The following DNAH5 variants were observed in gnomAD, a reference collection of about 807,000 sequenced individuals.
The protein encoded by DNAH5 is dynein axonemal heavy chain 5, also known as axonemal beta dynein heavy chain 5.
In DNAH5, 372 loss-of-function variants were observed where a neutral mutation model predicts 518.2. The ratio of observed to expected loss-of-function variants is 0.72; its 90% CI spans 0.66 to 0.78. DNAH5 has a LOEUF of 0.78. Ranked by LOEUF, DNAH5 falls within the 30% of genes least tolerant of loss-of-function variation. DNAH5 has a pLI of 0.00. For synonymous variants in DNAH5, 2,039 were observed against 2,025.9 expected (o/e 1.01, Z -0.17); for missense variants, 5,523 against 5,687.0 (o/e 0.97, Z 0.93).
At chr5:13,962,189 G>GT (rs1382959906) in intron 1 of DNAH5, among the ~76,000 whole-genome samples, 7 of 152,210 alleles carry the variant, frequency 4.6e-5, no homozygotes, top group Admixed American at 2.6e-4. Context: ...TTGTTATTAT[G>GT]TTTTTTGTGT....
At chr5:13,899,437 A>G (rs1226722867) in intron 15 of DNAH5, 3 of 152,318 alleles carry the variant, frequency 2.0e-5, no homozygotes, top group African/African-American at 7.2e-5. Flanking sequence ...TGATATTCTG[A>G]TAACTCTCAG....
At chr5:13,878,077 G>T (rs1580711906) in intron 21 of DNAH5, among the ~76,000 whole-genome samples, 1 of 152,042 alleles carries the variant, frequency 6.6e-6, no homozygotes, top group Admixed American at 6.6e-5. Flanking sequence ...AGGAAGAAGC[G>T]GCCATTTAAT....
intron 47 of DNAH5, among the ~76,000 whole-genome samples, chr5:13,794,904 T>C (rs759066066): frequency 2.0e-5 from 3 of 152,162 alleles, no homozygotes; most frequent in Non-Finnish European, 4.4e-5. Flanking sequence ...GAGGCAGAGC[T>C]TGCAGTGAGC....
intron 2 of DNAH5, among the ~76,000 whole-genome samples, chr5:13,930,443 G>A (rs1425844844): frequency 6.6e-6 from 1 of 152,146 alleles, no homozygotes; most frequent in Non-Finnish European, 1.5e-5. Flanking sequence ...CCAACGGTGT[G>A]GCACCCTGTC....
chr5:13,910,855 C>T lies in DNAH5; in HGVS notation c.1644+531G>A, dbSNP rs183377238. Among the ~76,000 whole-genome samples, 5 of 152,296 alleles carry T rather than the reference C, an allele frequency of 3.3e-5. No homozygotes were observed. In the East Asian group the frequency reaches 9.6e-4, roughly 29 times the overall value. On this transcript the variant is annotated intron_variant, in intron 12 of 78. Transcript: ENST00000265104. ...GAAGCTGCTAATGGCATAAACTGCT[C>T]ATGTGAGCTGCAAGGCAAGATGGCT...
At chr5:13,840,824 C>G (rs1765051870) in intron 34 of DNAH5, 82 bp downstream of exon 34, 1 of 1,146,412 alleles carries the variant, frequency 8.7e-7, no homozygotes, top group African/African-American at 1.6e-5. Flanking sequence ...TGAATTCAAT[C>G]AAACTAGTTC....
intron 42 of DNAH5, among the ~76,000 whole-genome samples, chr5:13,817,140 AC>A (rs1761551960): frequency 6.6e-6 from 1 of 152,222 alleles, no homozygotes; most frequent in South Asian, 2.1e-4. Flanking sequence ...CTCCCAAACA[AC>A]CCATTTTCTC....
Position 13,900,219 on chromosome 5 carries a change from A to C in DNAH5, c.2246T>G (p.Phe749Cys), listed in dbSNP as rs982485452. 6.2e-7 allele frequency: 1 copy of C among 1,613,726 alleles called. No individual in the cohort carries two copies. Among genetic ancestry groups the C allele is most frequent in the Non-Finnish European group, 8.5e-7 (1 of 1,179,706 alleles). ...FQKRDRYKRN[F>C]SNMKMMLAEY... Reference sequence around the variant, plus strand: ...AAAGTAGTATACCTTCATGTTACTGAAGTTCCTTTTGTATCTATCTCGTTT... The same window carrying C: ...AAAGTAGTATACCTTCATGTTACTGCAGTTCCTTTTGTATCTATCTCGTTT... The change falls in exon 15 of 79, where the codon TTC becomes TGC. Residue 749 changes from phenylalanine (F) to cysteine (C), a missense_variant. By Grantham distance (205) the Phe-to-Cys change is radical. Around this residue, in one of 3 missense-constraint regions of DNAH5, gnomAD observed 5,121 missense variants for 5,223.3 expected, o/e 0.98. Coordinates refer to ENST00000265104, the MANE Select transcript of DNAH5 (RefSeq NM_001369.3).
chr5:13,944,599 TA>T lies in DNAH5; in HGVS notation c.-162del. On this transcript the variant is annotated 5_prime_UTR_variant, in exon 1 of 79. Transcript: ENST00000265104. Reference sequence around the variant, plus strand: ...TGTATTATTCACTACATTCACAGAATAAAAATTAAAACTCCACTTATACCAC... The same window carrying T: ...TGTATTATTCACTACATTCACAGAATAAAATTAAAACTCCACTTATACCAC... 2 of 678,370 alleles carry T rather than the reference TA, an allele frequency of 2.9e-6. No individual in the cohort carries two copies. The highest frequency in any genetic ancestry group is 5.3e-6 in the Non-Finnish European group (2 of 380,920). 42.0% of individuals were successfully genotyped at this position (678,370 alleles called of 1,614,324 possible).
At chr5:13,987,975 C>T (rs1783180316) in intron 1 of DNAH5, among the ~76,000 whole-genome samples, 1 of 151,772 alleles carries the variant, frequency 6.6e-6, no homozygotes, top group African/African-American at 2.4e-5. Context: ...CACATGGAAA[C>T]CCAAACCAAA....
At chr5:13,946,766 T>C (rs1779958363), upstream of DNAH5, among the ~76,000 whole-genome samples, 1 of 152,222 alleles carries the variant, frequency 6.6e-6, no homozygotes, top group African/African-American at 2.4e-5. Context: ...GGACCTCATG[T>C]GGGCGGAAGG....
At chr5:13,838,411 C>T (rs924518022) in intron 35 of DNAH5, among the ~76,000 whole-genome samples, 4 of 152,174 alleles carry the variant, frequency 2.6e-5, no homozygotes, top group African/African-American at 7.2e-5. Flanking sequence ...GCTCACATAA[C>T]CGCCTGAGCT....
intron 31 of DNAH5, among the ~76,000 whole-genome samples, chr5:13,850,442 C>A (rs1454978284): frequency 6.6e-6 from 1 of 152,148 alleles, no homozygotes; most frequent in African/African-American, 2.4e-5. Flanking sequence ...ATGGAAGCAA[C>A]CTTAAGTCCT....
chr5:13,941,978 A>G (rs1779499354), intron 1 of DNAH5, among the ~76,000 whole-genome samples: 1 of 152,208 alleles, frequency 6.6e-6, no homozygotes, highest in African/African-American at 2.4e-5. Flanking sequence ...CATTTTGGGG[A>G]AGTAAAGAAA....
At chr5:13,768,412 CG>C (rs1561208665) in intron 58 of DNAH5, among the ~76,000 whole-genome samples, 1 of 152,196 alleles carries the variant, frequency 6.6e-6, no homozygotes, top group Non-Finnish European at 1.5e-5. Flanking sequence ...GTCAATTAAA[CG>C]TCTTTTGTTT....
At position 13,820,374 on chromosome 5, in the gene DNAH5, G is replaced by A. The variant is rs373542336; in HGVS notation, c.6813C>T (p.Cys2271=). The A allele has an allele frequency of 1.0e-5, 16 of 1,606,698 alleles. No homozygotes were observed. In the African/African-American group the frequency reaches 2.0e-4, roughly 20 times the overall value. The part of the protein sequence containing the change: ...LGPSGAGKTT[C]IHTLMRAMTD... The stretch of plus-strand genomic sequence containing the variant: ...TCATGGCTCTCATCAAGGTGTGGAT[G>A]CAGGTGGTCTTCCCAGCCCCACTGG... Residue 2271 remains cysteine, a synonymous_variant, in exon 41 of 79, where the codon TGC becomes TGT. Transcript: ENST00000265104.
rs1760438931 is a variant in DNAH5, at chr5:13,810,266, A to T, written c.7408-6T>A. The T allele has an allele frequency of 1.3e-6, 2 of 1,549,946 alleles. No individual in the cohort carries two copies. Among genetic ancestry groups the T allele is most frequent in the Non-Finnish European group, 1.7e-6 (2 of 1,146,552 alleles). On this transcript the variant is annotated splice_polypyrimidine_tract_variant and splice_region_variant and intron_variant, in intron 44 of 78. Coordinates refer to ENST00000265104, the MANE Select transcript of DNAH5 (RefSeq NM_001369.3). ...CTCACCTCCCCGCCTTGCTCCTGAG[A>T]AGGAAAGACACTTTTTTTTAATAAC...
At chr5:13,727,394 G>A (rs1745893666) in intron 70 of DNAH5, 113 bp downstream of exon 70, 1 of 993,610 alleles carries the variant, frequency 1.0e-6, no homozygotes, top group Non-Finnish European at 1.5e-6. Flanking sequence ...ATCACACAGA[G>A]GCCTACAAGA....
rs551183025 is a variant in DNAH5, at chr5:13,864,704, T to A, written c.4356-67A>T. 3 of 1,552,072 alleles carry A rather than the reference T, an allele frequency of 1.9e-6. No homozygotes were observed. In the Admixed American group the frequency reaches 5.0e-5, roughly 26 times the overall value. On this transcript the variant is annotated intron_variant, in intron 27 of 78. Transcript: ENST00000265104. The stretch of plus-strand genomic sequence containing the variant: ...GGTAGACATCACTGGACCAAGACGG[T>A]CTGCTAGTATTTCTATTAAAAACAG...
Sources: allele counts gnomAD v4.1 joint callset (sites outside exome capture counted in the v4.1 genomes callset), GRCh38; gene constraint gnomAD v4.1.1; regional missense constraint gnomAD v4.1.1; transcripts MANE v1.5; gene names NCBI Gene and HGNC (gene_info 2026-07-23, HGNC 2026-07-21).